Variants in GAREM1 observed in about 807,000 individuals in gnomAD.
GAREM1 encodes GRB2-associated and regulator of MAPK protein 1.
GAREM1 carries 26 observed loss-of-function variants against 71.3 expected under a neutral mutation model. That is an observed-to-expected ratio of 0.36 (90% confidence interval 0.27 to 0.51). GAREM1 has a LOEUF of 0.51. Among genes scored for constraint, GAREM1 ranks in the 20% least tolerant of loss-of-function variants. GAREM1 has a pLI of 0.95. For missense variants in GAREM1, 1,026 were observed against 1,103.1 expected, an observed-to-expected ratio of 0.93 and a Z score of 0.99; for synonymous variants, 440 against 433.2, an observed-to-expected ratio of 1.02 and a Z score of -0.20.
At chr18:32,323,813 C>T (rs2047451491) in intron 2 of GAREM1, among the ~76,000 whole-genome samples, 1 of 151,866 alleles carries the variant, frequency 6.6e-6, no homozygotes, top group South Asian at 2.1e-4. Flanking sequence ...TTTTAATCTA[C>T]ATAAAAAATT....
At chr18:32,307,348 TAAG>T (rs1461495848) in intron 3 of GAREM1, among the ~76,000 whole-genome samples, 1 of 152,238 alleles carries the variant, frequency 6.6e-6, no homozygotes, top group Non-Finnish European at 1.5e-5. Flanking sequence ...TGAAATCTTC[TAAG>T]AAGGTTTGAA....
Position 32,457,861 on chromosome 18 carries a change from AC to A in GAREM1, c.121+12446del, listed in dbSNP as rs2048912223. ...CCCTGTTGGTGATATGTACTTTATT[AC>A]CCATCAACCCCTGGATCTATGTCCA... On this transcript the variant is annotated intron_variant, in intron 1 of 5. Transcript: ENST00000269209. Among the ~76,000 whole-genome samples the A allele has an allele frequency of 2.0e-5, 3 of 152,266 alleles. No homozygotes were observed. The South Asian group carries it at 6.2e-4, about 32-fold the overall frequency.
At chr18:32,419,845 G>T (rs2144695066) in intron 1 of GAREM1, among the ~76,000 whole-genome samples, 1 of 152,276 alleles carries the variant, frequency 6.6e-6, no homozygotes, top group South Asian at 2.1e-4. Flanking sequence ...AGAATGATGG[G>T]TCAAGTGTTG....
chr18:32,354,361 C>A (rs1262120645), intron 2 of GAREM1, among the ~76,000 whole-genome samples: 1 of 152,026 alleles, frequency 6.6e-6, no homozygotes. Context: ...GAGTGTCTGG[C>A]ACATAGGTCA....
chr18:32,304,235 A>G (rs2047227807), intron 3 of GAREM1, among the ~76,000 whole-genome samples: 1 of 151,922 alleles, frequency 6.6e-6, no homozygotes, highest in African/African-American at 2.4e-5. Flanking sequence ...TGGACCTGGG[A>G]GATGGGGGTT....
chr18:32,434,091 A>G (rs1450724426), intron 1 of GAREM1, among the ~76,000 whole-genome samples: 1 of 152,188 alleles, frequency 6.6e-6, no homozygotes, highest in East Asian at 1.9e-4. Context: ...AACACAACAG[A>G]ATAGAGAATC....
At chr18:32,385,220 C>T (rs2048134752) in intron 2 of GAREM1, among the ~76,000 whole-genome samples, 2 of 151,136 alleles carry the variant, frequency 1.3e-5, no homozygotes, top group Admixed American at 6.6e-5. Context: ...TTACTTTGCT[C>T]CCCCCAAATC....
chr18:32,328,606 T>C (rs1265183011), intron 2 of GAREM1, among the ~76,000 whole-genome samples: 1 of 152,180 alleles, frequency 6.6e-6, no homozygotes, highest in Non-Finnish European at 1.5e-5. Flanking sequence ...TAAATGACGT[T>C]AGAGAGGGTT....
intron 1 of GAREM1, among the ~76,000 whole-genome samples, chr18:32,426,030 T>C (rs1343419872): frequency 6.6e-6 from 1 of 152,312 alleles, no homozygotes; most frequent in Middle Eastern, 3.4e-3. Context: ...TTTGATTGTT[T>C]GTTTTTGAGA....
intron 2 of GAREM1, among the ~76,000 whole-genome samples, chr18:32,338,150 T>C (rs1181194653): frequency 6.6e-6 from 1 of 152,226 alleles, no homozygotes; most frequent in African/African-American, 2.4e-5. Flanking sequence ...TAAATTCCTC[T>C]AATTTCCAAG....
intron 3 of GAREM1, among the ~76,000 whole-genome samples, chr18:32,295,111 C>T (rs1386953237): frequency 6.6e-6 from 1 of 152,008 alleles, no homozygotes. Context: ...GTCACCCAGG[C>T]TGGAGTGCAG....
At chr18:32,405,795 G>A (rs1334898577) in intron 1 of GAREM1, among the ~76,000 whole-genome samples, 1 of 152,202 alleles carries the variant, frequency 6.6e-6, no homozygotes. Context: ...AGATAGCACA[G>A]CTGCCAGCAG....
rs921757758 is a variant in GAREM1, at chr18:32,267,136, T to C, written c.*735A>G. 1 of 152,188 alleles carries C rather than the reference T, an allele frequency of 6.6e-6. No homozygotes were observed. The highest frequency in any genetic ancestry group is 1.5e-5 in the Non-Finnish European group (1 of 68,032). The allele number at this position is 152,188 out of a possible 1,614,324, so 9.4% of individuals were successfully genotyped here. The stretch of plus-strand genomic sequence containing the variant: ...ACAGATGTTATCTAAAATATCAGAA[T>C]CAAAATTATGTGTAAAACATATCCG... On this transcript the variant is annotated 3_prime_UTR_variant, in exon 6 of 6. Transcript: ENST00000269209.
Position 32,296,968 on chromosome 18 carries a change from G to T in GAREM1, c.394-8765C>A, listed in dbSNP as rs11081755. Among the ~76,000 whole-genome samples, 718 of 152,202 alleles carry T rather than the reference G, an allele frequency of 4.7e-3. 8 individuals carry two copies. Among genetic ancestry groups the T allele is most frequent in the African/African-American group, 0.017 (691 of 41,522 alleles). On this transcript the variant is annotated intron_variant, in intron 3 of 5. Coordinates refer to ENST00000269209, the MANE Select transcript of GAREM1 (RefSeq NM_001242409.2). ...ATCTAGTTAAACTTACAAAAATATA[G>T]ATCAAAGGTCAGCAAACTAATACCC...
intron 1 of GAREM1, among the ~76,000 whole-genome samples, chr18:32,458,732 G>A (rs1201656522): frequency 1.3e-5 from 2 of 151,562 alleles, no homozygotes; most frequent in Non-Finnish European, 2.9e-5. Context: ...TTCTACTATC[G>A]AGCAAAGAAA....
chr18:32,354,950 T>C (rs1222087285), intron 2 of GAREM1, among the ~76,000 whole-genome samples: 1 of 152,180 alleles, frequency 6.6e-6, no homozygotes, highest in Non-Finnish European at 1.5e-5. Context: ...CTACAGGTGA[T>C]GAAAAGAATA....
Position 32,266,233 on chromosome 18 carries a change from A to G in GAREM1, c.*1638T>C, listed in dbSNP as rs1452042288. ...AAATATCTTTCTTCTAATGCCAAGA[A>G]ATAAAGACACATTTCACAGGTCTAC... is the stretch of plus-strand genomic sequence containing the variant. On this transcript the variant is annotated 3_prime_UTR_variant, in exon 6 of 6. Transcript: ENST00000269209. 1 of 152,228 alleles carries G rather than the reference A, an allele frequency of 6.6e-6. No individual in the cohort carries two copies. The highest frequency in any genetic ancestry group is 1.5e-5 in the Non-Finnish European group (1 of 68,050). The allele number at this position is 152,228 out of a possible 1,614,324, so 9.4% of individuals were successfully genotyped here. A position where few individuals can be genotyped will look rare whatever the true frequency, so the allele number is the denominator to read the frequency against.
chr18:32,311,165 G>A (rs906029726), intron 2 of GAREM1, among the ~76,000 whole-genome samples: 4 of 152,172 alleles, frequency 2.6e-5, no homozygotes, highest in Admixed American at 6.5e-5. Flanking sequence ...TACAACATTT[G>A]AGAAGAACTG....
chr18:32,300,677 C>A (rs112581976), intron 3 of GAREM1, among the ~76,000 whole-genome samples: 1 of 152,080 alleles, frequency 6.6e-6, no homozygotes, highest in African/African-American at 2.4e-5. Context: ...GAGGCCGAGG[C>A]GGGCAAATCG....
Sources: gnomAD v4.1 joint callset for allele counts (sites outside exome capture counted in the v4.1 genomes callset) on GRCh38, gnomAD v4.1.1 for gene constraint, MANE v1.5 for transcripts, NCBI Gene and HGNC (gene_info 2026-07-23, HGNC 2026-07-21) for gene names.